Variants in MACROD2 observed in about 807,000 individuals in gnomAD.
MACROD2 encodes ADP-ribose glycohydrolase MACROD2.
In MACROD2, 36 loss-of-function variants were observed where a neutral mutation model predicts 70.4. That is an observed-to-expected ratio of 0.51 (90% CI 0.39 to 0.68). The LOEUF is 0.68. MACROD2 is among the 30% of genes least tolerant of loss of function. The pLI, the probability that MACROD2 is intolerant of heterozygous loss-of-function variation, is 0.00. For missense variants in MACROD2, 496 were observed against 538.4 expected (o/e 0.92, Z 0.78); for synonymous variants, 172 against 178.8 (o/e 0.96, Z 0.30).
rs1986083895 is a variant in MACROD2 at position 14,658,587 on chromosome 20, T to A, written c.302-26256T>A. 2.0e-5 allele frequency among the ~76,000 whole-genome samples: 3 copies of A among 152,266 alleles called. No homozygotes were observed. The South Asian group carries it at 6.2e-4, about 32-fold the overall frequency. The stretch of plus-strand genomic sequence containing the variant: ...AATTGAGGAAGTTACCTATGGCTAA[T>A]ATTTTTCAAATTTATGTATTTTGTT... On this transcript the variant is annotated intron_variant, in intron 4 of 17. Coordinates refer to ENST00000684519, the MANE Select transcript of MACROD2 (RefSeq NM_001351661.2).
chr20:14,486,545 G>C (rs1389835207), intron 3 of MACROD2, among the ~76,000 whole-genome samples: 1 of 119,526 alleles, frequency 8.4e-6, no homozygotes, highest in African/African-American at 3.3e-5. Context: ...TTGAGACAGA[G>C]TTTCATTCTT....
intron 4 of MACROD2, among the ~76,000 whole-genome samples, chr20:14,495,365 G>A (rs549879391): frequency 6.6e-6 from 1 of 152,066 alleles, no homozygotes; most frequent in South Asian, 2.1e-4. Flanking sequence ...AGGAGAAATA[G>A]GAAAGGCAAA....
chr20:15,536,946 T>C (rs2047883344), intron 8 of MACROD2, among the ~76,000 whole-genome samples: 1 of 152,138 alleles, frequency 6.6e-6, no homozygotes, highest in African/African-American at 2.4e-5. Flanking sequence ...GCAACCTCAG[T>C]GCATGCTGTT....
At chr20:14,193,452 T>C (rs1401453272) in intron 3 of MACROD2, among the ~76,000 whole-genome samples, 1 of 152,168 alleles carries the variant, frequency 6.6e-6, no homozygotes. Flanking sequence ...TCAGCTTAGA[T>C]AGCTCAAAAG....
At chr20:14,019,697 C>T (rs535327269) in intron 2 of MACROD2, among the ~76,000 whole-genome samples, 1 of 151,736 alleles carries the variant, frequency 6.6e-6, no homozygotes, top group South Asian at 2.1e-4. Context: ...GCCACAGGAC[C>T]ATTGAATCAT....
chr20:14,199,490 C>T (rs1220230763), intron 3 of MACROD2, among the ~76,000 whole-genome samples: 1 of 152,188 alleles, frequency 6.6e-6, no homozygotes, highest in Non-Finnish European at 1.5e-5. Flanking sequence ...GAGAAGATAG[C>T]TTGCATAGCT....
chr20:14,062,673 T>C (rs537416435), intron 2 of MACROD2, among the ~76,000 whole-genome samples: 78 of 152,228 alleles, frequency 5.1e-4, no homozygotes, highest in African/African-American at 1.8e-3. Context: ...CCAGGGGAGT[T>C]GCAGTGAATG....
intron 9 of MACROD2, among the ~76,000 whole-genome samples, chr20:15,882,497 C>G (rs2064768245): frequency 6.6e-6 from 1 of 151,982 alleles, no homozygotes; most frequent in African/African-American, 2.4e-5. Flanking sequence ...AGATTTCAGG[C>G]AGAGGATGGA....
intron 8 of MACROD2, among the ~76,000 whole-genome samples, chr20:15,500,209 G>A (rs996975648): frequency 6.6e-6 from 1 of 152,166 alleles, no homozygotes; most frequent in East Asian, 1.9e-4. Flanking sequence ...TTGTTGACTT[G>A]AGGTTCCTGG....
intron 8 of MACROD2, among the ~76,000 whole-genome samples, chr20:15,769,408 A>G (rs563099021): frequency 7.9e-4 from 121 of 152,204 alleles, no homozygotes; most frequent in Non-Finnish European, 1.3e-3. Flanking sequence ...CAGCCTCCCA[A>G]AGTGCTGGGA....
Position 14,047,106 on chromosome 20 carries a change from T to C in MACROD2, c.164-38515T>C, listed in dbSNP as rs2053489342. 2.6e-5 allele frequency among the ~76,000 whole-genome samples: 4 copies of C among 152,080 alleles called. No homozygotes were observed. The South Asian group carries it at 8.3e-4, about 32-fold the overall frequency. On this transcript the variant is annotated intron_variant, in intron 2 of 17. Coordinates refer to ENST00000684519, the MANE Select transcript of MACROD2 (RefSeq NM_001351661.2). ...ATGAAGCTTAAAAAATGCAAAGCAA[T>C]GGTATATATAGTTTTATGAGTATAT...
chr20:14,801,595 A>G (rs955899917), intron 5 of MACROD2, among the ~76,000 whole-genome samples: 2 of 152,052 alleles, frequency 1.3e-5, no homozygotes, highest in African/African-American at 4.8e-5. Context: ...TTTCTAAAAT[A>G]TCTCTCATCA....
intron 5 of MACROD2, among the ~76,000 whole-genome samples, chr20:15,105,341 T>A (rs1297335193): frequency 6.6e-6 from 1 of 152,122 alleles, no homozygotes; most frequent in East Asian, 1.9e-4. Flanking sequence ...GGACAAAATC[T>A]CCTTGCCTAT....
At chr20:14,627,319 A>G (rs1359787712) in intron 4 of MACROD2, among the ~76,000 whole-genome samples, 1 of 152,208 alleles carries the variant, frequency 6.6e-6, no homozygotes, top group African/African-American at 2.4e-5. Flanking sequence ...CACCAAGGCC[A>G]TGGTTCCTCC....
At chr20:15,141,757 A>G (rs1161194111) in intron 5 of MACROD2, among the ~76,000 whole-genome samples, 2 of 152,118 alleles carry the variant, frequency 1.3e-5, no homozygotes, top group Non-Finnish European at 1.5e-5. Flanking sequence ...CACAGGCCTA[A>G]TACTTTTATT....
At chr20:14,458,460 G>A (rs2084329479) in intron 3 of MACROD2, among the ~76,000 whole-genome samples, 1 of 152,102 alleles carries the variant, frequency 6.6e-6, no homozygotes, top group Non-Finnish European at 1.5e-5. Context: ...TGTTATTTAA[G>A]ATGAGTTATA....
intron 8 of MACROD2, among the ~76,000 whole-genome samples, chr20:15,774,459 G>A (rs16996513): frequency 0.038 from 5,728 of 152,114 alleles, 141 homozygotes; most frequent in East Asian, 0.069. Context: ...GCTGTCCCTC[G>A]GAGGATCCAC....
chr20:15,551,190 C>G (rs2048090881), intron 8 of MACROD2, among the ~76,000 whole-genome samples: 1 of 152,088 alleles, frequency 6.6e-6, no homozygotes, highest in Non-Finnish European at 1.5e-5. Flanking sequence ...CTAAGCCTTA[C>G]CCCTTTGCTT....
chr20:15,644,266 G>A (rs961464760), intron 8 of MACROD2, among the ~76,000 whole-genome samples: 3 of 152,052 alleles, frequency 2.0e-5, no homozygotes, highest in Admixed American at 2.0e-4. Context: ...ACCACCTCCA[G>A]CATCTAAACC....
Sources: gnomAD v4.1 joint callset for allele counts (sites outside exome capture counted in the v4.1 genomes callset) on GRCh38, gnomAD v4.1.1 for gene constraint, MANE v1.5 for transcripts, NCBI Gene and HGNC (gene_info 2026-07-23, HGNC 2026-07-21) for gene names.